The following RARG variants were observed in gnomAD, a reference collection of about 807,000 sequenced individuals.
RARG encodes the protein RAR-gamma.
In RARG, 17 loss-of-function variants were observed where a neutral mutation model predicts 43.7. The observed-to-expected ratio is 0.39, with a 90% CI of 0.27 to 0.58. The LOEUF (loss-of-function observed/expected upper bound fraction) is 0.58. Ranked by LOEUF, RARG falls within the 20% of genes least tolerant of loss-of-function variation. The pLI, the probability that RARG is intolerant of heterozygous loss-of-function variation, is 0.57. For missense variants in RARG, 346 were observed against 598.7 expected, an observed-to-expected ratio of 0.58 and a Z score of 4.40; for synonymous variants, 238 against 236.4, an observed-to-expected ratio of 1.01 and a Z score of -0.06.
In RARG at chr12:53,220,101, C is replaced by T. The variant is rs1334305736; in HGVS notation, c.185-4307G>A. 2.6e-6 allele frequency: 4 copies of T among 1,550,140 alleles called. No homozygotes were observed. The African/African-American group carries it at 4.1e-5, about 16-fold the overall frequency. The stretch of plus-strand genomic sequence containing the variant: ...CAAACGTTTCCATACAGTCGTACAT[C>T]GCGACCCGGCTTGAAGGGAAACTGG... On this transcript the variant is annotated intron_variant, in intron 3 of 9. Transcript: ENST00000425354.
chr12:53,214,497 T>C lies in RARG; in HGVS notation c.585A>G (p.Lys195=), dbSNP rs200959726. The change falls in exon 6 of 10, where the codon AAA becomes AAG. Residue 195 remains lysine (K), a synonymous_variant. Transcript: ENST00000425354. ...GCGAGGGGAAAGTCTCCTGATGGGC[T>C]TTGCTGACCTTGGTGATGAGCTCTT... ...QLEELITKVS[K]AHQETFPSLC... The C allele has an allele frequency of 4.3e-6, 7 of 1,613,794 alleles. No individual in the cohort carries two copies. The Admixed American group carries it at 1.0e-4, about 23-fold the overall frequency.
intron 3 of RARG, among the ~76,000 whole-genome samples, chr12:53,225,416 C>T: frequency 6.6e-6 from 1 of 152,060 alleles, no homozygotes; most frequent in South Asian, 2.1e-4. Flanking sequence ...ACAACTGCAT[C>T]AAGTCTGGAG....
intron 1 of RARG, 85 bp downstream of exon 1, chr12:53,231,889 A>G (rs969343339): frequency 2.0e-5 from 8 of 392,956 alleles, no homozygotes; most frequent in Admixed American, 4.4e-5. Flanking sequence ...TCGCCCGTGC[A>G]GCTCCTCCGC....
chr12:53,212,319 T>C (rs1942613772), intron 9 of RARG, among the ~76,000 whole-genome samples: 1 of 152,264 alleles, frequency 6.6e-6, no homozygotes, highest in Admixed American at 6.5e-5. Flanking sequence ...ACAGTAGTCA[T>C]TGGCCACATG....
chr12:53,225,359 C>T (rs1404774130), intron 3 of RARG, among the ~76,000 whole-genome samples: 2 of 152,210 alleles, frequency 1.3e-5, no homozygotes, highest in Admixed American at 1.3e-4. Flanking sequence ...GTTGCACACA[C>T]TGGAATTCTG....
chr12:53,214,782 T>TC (rs1942711816), intron 5 of RARG, 176 bp from the exon 6 acceptor site: 2 of 699,520 alleles, frequency 2.9e-6, no homozygotes. Flanking sequence ...AGGCTGGTTC[T>TC]CCCCAGCCCC....
rs1480190572 is a variant in RARG at position 53,227,463 on chromosome 12, G to C, written c.83C>G (p.Ala28Gly). The change falls in exon 3 of 10, where the codon GCC becomes GGC. Residue 28 changes from alanine (A) to glycine (G), a missense_variant. Physicochemically the swap from Ala to Gly is moderately conservative, Grantham distance 60. Transcript: ENST00000425354. The surrounding 1 kb of genome is among the most constrained non-coding windows in gnomAD (Gnocchi z 4.3). ...AGACCCCCTGAGTGCCCCTGGGAAG[G>C]CGAAGGGGAAACCTGCCCCTGGGTA... ...SGYPGAGFPF[A>G]FPGALRGSPP... 1 of 1,610,394 alleles carries C rather than the reference G, an allele frequency of 6.2e-7. No individual in the cohort carries two copies.
intron 9 of RARG, among the ~76,000 whole-genome samples, chr12:53,212,739 C>CAT (rs1942636327): frequency 8.3e-6 from 1 of 119,774 alleles, no homozygotes; most frequent in African/African-American, 3.6e-5. Context: ...TATATATATA[C>CAT]ACACACACAC....
rs189336604 is a variant in RARG at position 53,214,285 on chromosome 12, T to C, written c.637-50A>G. On this transcript the variant is annotated intron_variant, in intron 6 of 9. Transcript: ENST00000425354. ...TGGAAGGCAAGCTAAGGCCCACCTC[T>C]GGGGGCTGTCTTCTCTCTACCAATA... 2.2e-4 allele frequency: 346 copies of C among 1,567,000 alleles called. 2 individuals are homozygous for C. In the African/African-American group the frequency reaches 4.2e-3, roughly 19 times the overall value.
intron 3 of RARG, chr12:53,220,259 G>A (rs1255391362): frequency 7.2e-7 from 1 of 1,381,986 alleles, no homozygotes; most frequent in African/African-American, 1.5e-5. Context: ...GCGGGGAAGA[G>A]GGGGGATCCC....
intron 3 of RARG, among the ~76,000 whole-genome samples, chr12:53,221,763 G>A (rs1592441489): frequency 6.6e-6 from 1 of 151,542 alleles, no homozygotes; most frequent in Non-Finnish European, 1.5e-5. Context: ...CAGCCGCCGG[G>A]CCGCCCGGCC....
chr12:53,221,146 C>T (rs1352380343), intron 3 of RARG, among the ~76,000 whole-genome samples: 1 of 146,842 alleles, frequency 6.8e-6, no homozygotes, highest in African/African-American at 2.5e-5. Flanking sequence ...CCGTCTTCAG[C>T]GCTGCCGCGG....
At chr12:53,230,836 CGTGTGTGTGTGTGTGTGTGTGTGTGT>C (rs59367849) in intron 2 of RARG, among the ~76,000 whole-genome samples, 1 of 119,928 alleles carries the variant, frequency 8.3e-6, no homozygotes, top group Non-Finnish European at 1.7e-5. Context: ...GGCCACAGTG[CGTGTGTGTGTGTGTGTGTGTGTGTGT>C]GTGTGTGTGT....
At chr12:53,219,824 C>T (rs899249566) in intron 3 of RARG, 2 of 892,666 alleles carry the variant, frequency 2.2e-6, no homozygotes, top group East Asian at 5.7e-5. Flanking sequence ...GTTTAAAGGG[C>T]CAGTACCTTA....
intron 6 of RARG, 92 bp downstream of exon 6, chr12:53,214,354 A>G: frequency 6.5e-7 from 1 of 1,547,258 alleles, no homozygotes; most frequent in Non-Finnish European, 8.9e-7. Context: ...CCTTGTCCTC[A>G]GCACCAGTCG....
In RARG at chr12:53,215,072, C is replaced by T. The variant is rs1049354314; in HGVS notation, c.475+221G>A. 6.6e-6 allele frequency among the ~76,000 whole-genome samples: 1 copy of T among 152,198 alleles called. No homozygotes were observed. The highest frequency in any genetic ancestry group is 2.4e-5 in the African/African-American group (1 of 41,438). On this transcript the variant is annotated intron_variant, in intron 5 of 9. Transcript: ENST00000425354. The surrounding 1 kb of genome is among the most constrained non-coding windows in gnomAD (Gnocchi z 6.4). ...GAATGTGAGACCCTACTTATTCACC[C>T]ATTCAGAGGAAGAGTCAAGCTCCCT...
At chr12:53,223,177 C>T (rs1467223565) in intron 3 of RARG, among the ~76,000 whole-genome samples, 1 of 152,208 alleles carries the variant, frequency 6.6e-6, no homozygotes, top group Non-Finnish European at 1.5e-5. Flanking sequence ...TTGCCACCTT[C>T]TGGATGGGGC....
chr12:53,223,527 C>CCT lies in RARG; in HGVS notation c.184+3834_184+3835insAG, dbSNP rs1555181932. Among the ~76,000 whole-genome samples, 18 of 148,834 alleles carry CCT rather than the reference C, an allele frequency of 1.2e-4. 2 individuals are homozygous for CCT. The East Asian group carries it at 2.1e-3, about 17-fold the overall frequency. On this transcript the variant is annotated intron_variant, in intron 3 of 9. Transcript: ENST00000425354. ...GCGGCTTGCCCGGCTCCCCCCGCCC[C>CCT]CCCCCCGCCCAAGAGGTTTCCTGTT...
intron 2 of RARG, among the ~76,000 whole-genome samples, chr12:53,228,693 T>TTC (rs531971649): frequency 1.1e-3 from 168 of 151,844 alleles, no homozygotes; most frequent in Middle Eastern, 3.4e-3. Flanking sequence ...GCCTCCTTTT[T>TTC]TCTCTCTCTC....
Sources: gnomAD v4.1 joint callset for allele counts (sites outside exome capture counted in the v4.1 genomes callset) on GRCh38, gnomAD v4.1.1 for gene constraint, Gnocchi (gnomAD v3.1) non-coding constraint, MANE v1.5 for transcripts, NCBI Gene and HGNC (gene_info 2026-07-23, HGNC 2026-07-21) for gene names.